USH2A: variants seen among roughly 807,000 people sequenced by gnomAD.
USH2A encodes the protein usherin.
A neutral mutation model predicts 538.9 loss-of-function variants in USH2A; 443 were observed. That is an observed-to-expected ratio of 0.82 (90% CI 0.76 to 0.89). The LOEUF is 0.89. USH2A is among the 40% of genes least tolerant of loss of function. The probability of loss-of-function intolerance (pLI) is 0.00; values close to 1 mark genes in which losing one functional copy is unlikely to be tolerated. For synonymous variants in USH2A, 2,413 were observed against 2,273.5 expected (o/e 1.06, Z -1.75); for missense variants, 6,633 against 6,324.8 (o/e 1.05, Z -1.65).
intron 37 of USH2A, among the ~76,000 whole-genome samples, chr1:215,944,533 C>A (rs564725454): frequency 6.6e-6 from 1 of 152,194 alleles, no homozygotes; most frequent in South Asian, 2.1e-4. Context: ...TTTTGATTAT[C>A]TTTCATTATT....
At chr1:215,961,746 A>C (rs2102451061) in intron 37 of USH2A, among the ~76,000 whole-genome samples, 1 of 151,948 alleles carries the variant, frequency 6.6e-6, no homozygotes, top group South Asian at 2.1e-4. Context: ...TGACAACCCA[A>C]GCCAGTGGGG....
intron 11 of USH2A, among the ~76,000 whole-genome samples, chr1:216,272,092 CTTTATGT>C (rs1166978063): frequency 6.6e-6 from 1 of 151,932 alleles, no homozygotes; most frequent in African/African-American, 2.4e-5. Context: ...TTATTTATTC[CTTTATGT>C]TAGTGGCAAA....
chr1:216,382,207 G>A (rs2038933569), intron 3 of USH2A, among the ~76,000 whole-genome samples: 1 of 152,154 alleles, frequency 6.6e-6, no homozygotes, highest in Non-Finnish European at 1.5e-5. Flanking sequence ...CACAAATAAA[G>A]CACATTGAGT....
intron 37 of USH2A, among the ~76,000 whole-genome samples, chr1:215,964,611 A>G (rs1667289487): frequency 6.6e-6 from 1 of 152,148 alleles, no homozygotes; most frequent in South Asian, 2.1e-4. Context: ...AAAGGTTCAA[A>G]CTTCCTCCTA....
chr1:216,145,729 C>G (rs180810289), intron 21 of USH2A, among the ~76,000 whole-genome samples: 33 of 152,286 alleles, frequency 2.2e-4, no homozygotes, highest in Non-Finnish European at 4.6e-4. Flanking sequence ...TAACTGATGA[C>G]ATTCCACCAC....
rs116861771 is a variant in USH2A, at chr1:216,143,628, A to G, written c.4627+31624T>C. 8.5e-5 allele frequency among the ~76,000 whole-genome samples: 13 copies of G among 152,324 alleles called. No individual in the cohort carries two copies. The East Asian group carries it at 1.5e-3, about 18-fold the overall frequency. On this transcript the variant is annotated intron_variant, in intron 21 of 71. Coordinates refer to ENST00000307340, the MANE Select transcript of USH2A (RefSeq NM_206933.4). Reference sequence around the variant, plus strand: ...TTTTCAAAAGCACATAATTAAAATGAAAGGGAAGTTTTACTGAATTTTATT... The same window carrying G: ...TTTTCAAAAGCACATAATTAAAATGGAAGGGAAGTTTTACTGAATTTTATT...
At chr1:216,274,964 G>A (rs371881031) in intron 11 of USH2A, among the ~76,000 whole-genome samples, 1 of 152,166 alleles carries the variant, frequency 6.6e-6, no homozygotes, top group East Asian at 1.9e-4. Context: ...AGTAGGAAAG[G>A]AATATTTTTT....
chr1:216,190,253 C>T lies in USH2A; in HGVS notation c.4366G>A (p.Ala1456Thr), dbSNP rs886045950. 2.5e-6 allele frequency: 4 copies of T among 1,612,340 alleles called. No individual in the cohort carries two copies. Among genetic ancestry groups the T allele is most frequent in the South Asian group, 1.1e-5 (1 of 91,060 alleles). ...GCTAAAGTTTGTCCTGCTCCCGAAG[C>T]ACTGGTCACACAACCAACTGAATTG... is the stretch of plus-strand genomic sequence containing the variant. ...LCNSVGCVTS[A>T]SGAGQTLAAA... Residue 1456 changes from alanine (A) to threonine (T), a missense_variant, in exon 20 of 72, where the codon GCT (alanine) becomes ACT (threonine). Coordinates refer to ENST00000307340, the MANE Select transcript of USH2A (RefSeq NM_206933.4).
At chr1:215,652,063 A>G (rs1169735810) in intron 64 of USH2A, among the ~76,000 whole-genome samples, 1 of 152,254 alleles carries the variant, frequency 6.6e-6, no homozygotes, top group Non-Finnish European at 1.5e-5. Flanking sequence ...CATCATTTGC[A>G]TAATAATCAC....
intron 13 of USH2A, among the ~76,000 whole-genome samples, chr1:216,243,756 T>C (rs1318935156): frequency 1.3e-5 from 2 of 152,206 alleles, no homozygotes; most frequent in African/African-American, 4.8e-5. Flanking sequence ...CTGGTACATT[T>C]TCTACTAAAT....
intron 38 of USH2A, among the ~76,000 whole-genome samples, chr1:215,908,263 G>T (rs1484531468): frequency 2.6e-5 from 4 of 151,794 alleles, no homozygotes; most frequent in Non-Finnish European, 5.9e-5. Flanking sequence ...TCTAATTATT[G>T]CTTTGTCCCA....
chr1:215,977,098 C>T (rs984220288), intron 35 of USH2A, among the ~76,000 whole-genome samples: 2 of 151,340 alleles, frequency 1.3e-5, no homozygotes, highest in African/African-American at 4.9e-5. Flanking sequence ...CCTCTATGTA[C>T]ACAAACTAGA....
chr1:216,182,151 G>T (rs1009446959), intron 20 of USH2A, among the ~76,000 whole-genome samples: 3 of 152,080 alleles, frequency 2.0e-5, no homozygotes, highest in African/African-American at 7.2e-5. Flanking sequence ...AGAGAAGAAA[G>T]ATACAGTTTG....
rs1287914831 is a variant in USH2A at position 215,832,109 on chromosome 1, A to G, written c.9371+5882T>C. ...AACTCACTGGAGAATAAATTGCCAA[A>G]TATCATACATTATTAAGGGAATTGA... On this transcript the variant is annotated intron_variant, in intron 47 of 71. Transcript: ENST00000307340. 2.6e-5 allele frequency among the ~76,000 whole-genome samples: 4 copies of G among 152,098 alleles called. No homozygotes were observed. In the East Asian group the frequency reaches 5.8e-4, roughly 22 times the overall value.
At chr1:215,926,465 G>C (rs1422489485) in intron 38 of USH2A, among the ~76,000 whole-genome samples, 3 of 152,034 alleles carry the variant, frequency 2.0e-5, no homozygotes, top group Non-Finnish European at 4.4e-5. Flanking sequence ...TTTTAAGGCA[G>C]AGCTGTGGTA....
At chr1:216,251,555 A>G (rs1339938175) in intron 11 of USH2A, among the ~76,000 whole-genome samples, 1 of 139,312 alleles carries the variant, frequency 7.2e-6, no homozygotes, top group Admixed American at 8.2e-5. Context: ...GGTTCACACC[A>G]TTCTCCTGCC....
intron 47 of USH2A, among the ~76,000 whole-genome samples, chr1:215,823,337 A>G (rs1468066633): frequency 6.6e-6 from 1 of 151,850 alleles, no homozygotes; most frequent in African/African-American, 2.4e-5. Flanking sequence ...TTGTTTTTTT[A>G]TTTCAGCACT....
At chr1:216,239,383 T>C (rs988217883) in intron 13 of USH2A, among the ~76,000 whole-genome samples, 1 of 152,166 alleles carries the variant, frequency 6.6e-6, no homozygotes, top group Non-Finnish European at 1.5e-5. Flanking sequence ...GCCACTGAGG[T>C]ATTTTTGAAA....
At chr1:216,310,946 T>C (rs2037409775) in intron 9 of USH2A, among the ~76,000 whole-genome samples, 1 of 152,172 alleles carries the variant, frequency 6.6e-6, no homozygotes, top group Admixed American at 6.5e-5. Flanking sequence ...TAGGGAGCTA[T>C]AGGGGGCGCT....
Sources: allele counts gnomAD v4.1 joint callset (sites outside exome capture counted in the v4.1 genomes callset), GRCh38; gene constraint gnomAD v4.1.1; transcripts MANE v1.5; gene names NCBI Gene and HGNC (gene_info 2026-07-23, HGNC 2026-07-21).